Variants in ZNF407 observed in about 807,000 individuals in gnomAD.
ZNF407 encodes zinc finger protein 407.
A neutral mutation model predicts 131.2 loss-of-function variants in ZNF407; 17 were observed. That is an observed-to-expected ratio of 0.13 (90% CI 0.09 to 0.19). The LOEUF is 0.19. Ranked by LOEUF, ZNF407 falls within the 10% of genes least tolerant of loss-of-function variation. ZNF407 has a pLI of 1.00. For missense variants in ZNF407, 2,681 were observed against 2,830.6 expected, an observed-to-expected ratio of 0.95 and a Z score of 1.20; for synonymous variants, 1,156 against 1,062.0, an observed-to-expected ratio of 1.09 and a Z score of -1.72.
chr18:74,858,808 C>G (rs2145156421), intron 4 of ZNF407, among the ~76,000 whole-genome samples: 1 of 152,180 alleles, frequency 6.6e-6, no homozygotes, highest in Admixed American at 6.5e-5. Context: ...CTTCAAATCC[C>G]TATGAAAGAA....
chr18:74,878,762 T>C (rs1278460230), intron 5 of ZNF407, among the ~76,000 whole-genome samples: 1 of 152,032 alleles, frequency 6.6e-6, no homozygotes, highest in Non-Finnish European at 1.5e-5. Flanking sequence ...ATCATATAAA[T>C]AGGGCATGCT....
intron 1 of ZNF407, among the ~76,000 whole-genome samples, chr18:74,624,977 A>G (rs781189140): frequency 7.2e-5 from 11 of 152,208 alleles, no homozygotes; most frequent in Non-Finnish European, 1.6e-4. Flanking sequence ...GCACATGATC[A>G]TGTATGGCCT....
At chr18:74,781,558 CTTTA>C (rs1201716712) in intron 4 of ZNF407, 56 bp downstream of exon 4, 1 of 1,344,780 alleles carries the variant, frequency 7.4e-7, no homozygotes, top group Non-Finnish European at 1.0e-6. Flanking sequence ...TTATTTTAGG[CTTTA>C]TTTAATGACA....
At chr18:74,715,301 C>G (rs893190529) in intron 3 of ZNF407, among the ~76,000 whole-genome samples, 3 of 152,164 alleles carry the variant, frequency 2.0e-5, no homozygotes, top group Middle Eastern at 3.2e-3. Context: ...TTGTTACTAT[C>G]CAAATGTGCG....
At chr18:74,747,435 A>G (rs1271131143) in intron 3 of ZNF407, among the ~76,000 whole-genome samples, 1 of 152,074 alleles carries the variant, frequency 6.6e-6, no homozygotes, top group African/African-American at 2.4e-5. Context: ...TGGTTGATTT[A>G]TGGTTAAATG....
In ZNF407 at chr18:74,634,086, G is replaced by A; in HGVS notation, c.3067G>A (p.Glu1023Lys). ...AGGTGAGAATAAGTGTTTGCACTGT[G>A]AGTTTAGTGCTCACTCCTCTGCTTC... ...GTGENKCLHC[E>K]FSAHSSASLE... The change falls in exon 2 of 9, where the codon GAG (glutamate) becomes AAG (lysine). Residue 1023 changes from glutamate (E) to lysine (K), a missense_variant. Coordinates refer to ENST00000299687, the MANE Select transcript of ZNF407 (RefSeq NM_017757.3). The A allele has an allele frequency of 6.2e-7, 1 of 1,614,068 alleles. No homozygotes were observed. The highest frequency in any genetic ancestry group is 8.5e-7 in the Non-Finnish European group (1 of 1,179,906).
intron 8 of ZNF407, among the ~76,000 whole-genome samples, chr18:74,927,797 A>G (rs758759551): frequency 2.6e-5 from 4 of 151,588 alleles, no homozygotes; most frequent in South Asian, 2.1e-4. Flanking sequence ...GCTATTAAGG[A>G]TAATGAATCT....
At chr18:74,710,003 C>T (rs7237527) in intron 3 of ZNF407, among the ~76,000 whole-genome samples, 102,202 of 152,036 alleles carry the variant, frequency 0.67, 35,762 homozygotes, top group East Asian at 0.85. Flanking sequence ...GAATTTTGAC[C>T]TGAAAAAAAT....
intron 1 of ZNF407, among the ~76,000 whole-genome samples, chr18:74,604,125 C>T (rs1301079382): frequency 6.6e-6 from 1 of 152,132 alleles, no homozygotes; most frequent in Non-Finnish European, 1.5e-5. Flanking sequence ...TTCACTTGGT[C>T]ACTAAGGAAG....
At chr18:75,030,992 T>G (rs976298297) in intron 8 of ZNF407, among the ~76,000 whole-genome samples, 9 of 152,344 alleles carry the variant, frequency 5.9e-5, no homozygotes, top group African/African-American at 1.9e-4. Flanking sequence ...AAGGTCAGTT[T>G]ATAACCCTCT....
chr18:74,643,143 A>C (rs962498074), intron 3 of ZNF407, among the ~76,000 whole-genome samples: 1 of 152,090 alleles, frequency 6.6e-6, no homozygotes, highest in Admixed American at 6.6e-5. Context: ...AAAGTAAAAA[A>C]CATAAAAAAG....
intron 8 of ZNF407, among the ~76,000 whole-genome samples, chr18:74,959,061 G>T (rs377727474): frequency 9.2e-5 from 14 of 152,244 alleles, no homozygotes; most frequent in African/African-American, 2.6e-4. Flanking sequence ...CTGAGACCAG[G>T]ACTTGAGAAT....
chr18:74,988,386 A>G (rs985155560), intron 8 of ZNF407, among the ~76,000 whole-genome samples: 1 of 152,062 alleles, frequency 6.6e-6, no homozygotes, highest in African/African-American at 2.4e-5. Flanking sequence ...CAAATGGTGA[A>G]AGAAAAAGAA....
intron 3 of ZNF407, among the ~76,000 whole-genome samples, chr18:74,713,888 G>C (rs1027579096): frequency 6.6e-6 from 1 of 151,964 alleles, no homozygotes; most frequent in Non-Finnish European, 1.5e-5. Flanking sequence ...TATTATGTTT[G>C]GCATAATATG....
At chr18:75,049,688 A>G (rs1484050476) in intron 8 of ZNF407, among the ~76,000 whole-genome samples, 1 of 152,242 alleles carries the variant, frequency 6.6e-6, no homozygotes, top group African/African-American at 2.4e-5. Context: ...AGAGCCATGC[A>G]GAATGAACCT....
chr18:74,911,772 G>A (rs1050584179), intron 7 of ZNF407, among the ~76,000 whole-genome samples: 17 of 152,120 alleles, frequency 1.1e-4, no homozygotes, highest in African/African-American at 3.4e-4. Context: ...AATAGTGAGC[G>A]ATCACTCCAT....
intron 3 of ZNF407, among the ~76,000 whole-genome samples, chr18:74,760,288 A>C (rs1042614047): frequency 6.6e-6 from 1 of 152,106 alleles, no homozygotes; most frequent in Non-Finnish European, 1.5e-5. Context: ...TATCAACTCT[A>C]CCTTTACCTT....
intron 3 of ZNF407, among the ~76,000 whole-genome samples, chr18:74,646,462 G>A (rs192951721): frequency 3.9e-5 from 6 of 152,098 alleles, no homozygotes; most frequent in South Asian, 2.1e-4. Context: ...TAAATGATAC[G>A]TTATATATTT....
intron 3 of ZNF407, among the ~76,000 whole-genome samples, chr18:74,666,078 G>T (rs938830560): frequency 6.6e-6 from 1 of 152,170 alleles, no homozygotes; most frequent in Non-Finnish European, 1.5e-5. Context: ...AGCAGGATCC[G>T]AAGGTGCATG....
Sources: gnomAD v4.1 joint callset for allele counts (sites outside exome capture counted in the v4.1 genomes callset) on GRCh38, gnomAD v4.1.1 for gene constraint, MANE v1.5 for transcripts, NCBI Gene and HGNC (gene_info 2026-07-23, HGNC 2026-07-21) for gene names.